CPPED1: variants seen among roughly 807,000 people sequenced by gnomAD.
CPPED1 encodes the protein serine/threonine-protein phosphatase CPPED1.
In CPPED1, 28 loss-of-function variants were observed where a neutral mutation model predicts 28.0. The ratio of observed to expected loss-of-function variants is 1.00; its 90% CI spans 0.74 to 1.37. CPPED1 has a LOEUF of 1.37. Among genes scored for constraint, CPPED1 ranks in the 40% most tolerant of loss-of-function variants. The pLI, the probability that CPPED1 is intolerant of heterozygous loss-of-function variation, is 0.00. For synonymous variants in CPPED1, 198 were observed against 180.2 expected, an observed-to-expected ratio of 1.10 and a Z score of -0.79; for missense variants, 504 against 416.5, an observed-to-expected ratio of 1.21 and a Z score of -1.83.
chr16:12,785,136 T>C (rs892882713), intron 1 of CPPED1, among the ~76,000 whole-genome samples: 1 of 152,224 alleles, frequency 6.6e-6, no homozygotes, highest in African/African-American at 2.4e-5. Flanking sequence ...CAAGACTGAA[T>C]TAAAGATATT....
rs558555163 is a variant in CPPED1, at chr16:12,680,720, C to G, written c.716-15605G>C. ...CAGGTTACGGAGTGCCTAAGCCAAG[C>G]AGCTCTGCCCCTGTGAGACCTGGGG... On this transcript the variant is annotated intron_variant, in intron 3 of 3. Transcript: ENST00000381774. Among the ~76,000 whole-genome samples the G allele has an allele frequency of 1.4e-4, 22 of 152,266 alleles. No homozygotes were observed. In the East Asian group the frequency reaches 3.9e-3, roughly 27 times the overall value.
intron 1 of CPPED1, among the ~76,000 whole-genome samples, chr16:12,795,355 T>A (rs1185511037): frequency 3.3e-5 from 5 of 152,266 alleles, no homozygotes; most frequent in African/African-American, 9.6e-5. Flanking sequence ...GCAACTTTTT[T>A]TTTTTTCAGA....
chr16:12,698,472 C>T (rs2080003748), intron 3 of CPPED1, among the ~76,000 whole-genome samples: 1 of 152,122 alleles, frequency 6.6e-6, no homozygotes, highest in Admixed American at 6.6e-5. Flanking sequence ...TGCTCTGTTG[C>T]CCAGATTGGC....
intron 3 of CPPED1, among the ~76,000 whole-genome samples, chr16:12,683,737 T>C (rs2079918118): frequency 6.6e-6 from 1 of 152,144 alleles, no homozygotes; most frequent in Non-Finnish European, 1.5e-5. Context: ...CAGTGTGATC[T>C]TCCTGGTTGC....
intron 2 of CPPED1, among the ~76,000 whole-genome samples, chr16:12,746,810 G>A (rs967962837): frequency 1.3e-5 from 2 of 152,110 alleles, no homozygotes. Context: ...CGCAAAGTGG[G>A]GTGATATCGC....
chr16:12,665,223 A>T, intron 3 of CPPED1, 108 bp from the exon 4 acceptor site: 4 of 902,270 alleles, frequency 4.4e-6, no homozygotes, highest in Non-Finnish European at 6.4e-6. Context: ...ATATTATTAT[A>T]CCATCATGTA....
At position 12,709,083 on chromosome 16, in the gene CPPED1, A is replaced by G. The variant is rs1436749145; in HGVS notation, c.290-4034T>C. 6.6e-6 allele frequency among the ~76,000 whole-genome samples: 1 copy of G among 152,174 alleles called. No individual in the cohort carries two copies. The highest frequency in any genetic ancestry group is 1.5e-5 in the Non-Finnish European group (1 of 68,020). ...TGACAAGAGCAAAACTCTGTCTCAA[A>G]AATGTCCCATTATATATGAGAACCC... On this transcript the variant is annotated intron_variant, in intron 2 of 3. Transcript: ENST00000381774. The surrounding 1 kb of genome is among the most constrained non-coding windows in gnomAD (Gnocchi z 4.4).
chr16:12,802,011 G>C (rs2080663093), intron 1 of CPPED1, among the ~76,000 whole-genome samples: 1 of 152,120 alleles, frequency 6.6e-6, no homozygotes, highest in East Asian at 1.9e-4. Context: ...AGAGTAAACT[G>C]CAAGAATAAA....
At chr16:12,754,569 T>C (rs2080352416) in intron 2 of CPPED1, among the ~76,000 whole-genome samples, 1 of 152,226 alleles carries the variant, frequency 6.6e-6, no homozygotes, top group Non-Finnish European at 1.5e-5. Context: ...GCAGAGTCCC[T>C]CTAAGGTCCT....
intron 3 of CPPED1, among the ~76,000 whole-genome samples, chr16:12,674,489 G>A (rs972008392): frequency 3.3e-5 from 5 of 152,124 alleles, no homozygotes; most frequent in Admixed American, 3.3e-4. Flanking sequence ...CGGAAGTTCT[G>A]AACCCGAAAT....
At chr16:12,779,992 GC>G (rs2080520322) in intron 2 of CPPED1, among the ~76,000 whole-genome samples, 1 of 152,068 alleles carries the variant, frequency 6.6e-6, no homozygotes, top group African/African-American at 2.4e-5. Context: ...ATCAGAGTAG[GC>G]AAAATAAATA....
In CPPED1 at chr16:12,716,223, C is replaced by G. The variant is rs1198517053; in HGVS notation, c.290-11174G>C. On this transcript the variant is annotated intron_variant, in intron 2 of 3. Transcript: ENST00000381774. ...AATTATTTTTCCTCCAAAGTGATCA[C>G]CTCTCCTGTATTTACCTTCTTTAGC... Among the ~76,000 whole-genome samples the G allele has an allele frequency of 3.3e-5, 5 of 152,222 alleles. No individual in the cohort carries two copies. The East Asian group carries it at 7.7e-4, about 23-fold the overall frequency.
At chr16:12,718,685 G>A (rs913853915) in intron 2 of CPPED1, among the ~76,000 whole-genome samples, 2 of 152,078 alleles carry the variant, frequency 1.3e-5, no homozygotes, top group African/African-American at 4.8e-5. Flanking sequence ...ACATTCAGCT[G>A]GGAGCGGTGG....
In CPPED1 at chr16:12,661,552, C is replaced by T. The variant is rs1412656070; in HGVS notation, c.*3334G>A. The T allele has an allele frequency of 6.6e-6, 1 of 152,226 alleles. No homozygotes were observed. Among genetic ancestry groups the T allele is most frequent in the African/African-American group, 2.4e-5 (1 of 41,448 alleles). 9.4% of individuals were successfully genotyped at this position (152,226 alleles called of 1,614,324 possible). ...ATTTGAGATCACTTTAAAAAACCTT[C>T]CCCCGTAACATGTCCTTGTGTTTTT... On this transcript the variant is annotated 3_prime_UTR_variant, in exon 4 of 4. Transcript: ENST00000381774.
chr16:12,723,992 CA>C (rs1392238510), intron 2 of CPPED1, among the ~76,000 whole-genome samples: 2 of 152,156 alleles, frequency 1.3e-5, no homozygotes, highest in African/African-American at 4.8e-5. Context: ...TCACACTTCC[CA>C]AACGTCTCTC....
intron 2 of CPPED1, among the ~76,000 whole-genome samples, chr16:12,715,076 T>C (rs1310000658): frequency 6.6e-6 from 1 of 152,126 alleles, no homozygotes; most frequent in African/African-American, 2.4e-5. Context: ...TGAATTGTCT[T>C]GGCGCCCTTG....
chr16:12,664,514 A>C lies in CPPED1; in HGVS notation c.*372T>G, dbSNP rs1326959875. The stretch of plus-strand genomic sequence containing the variant: ...TGTTTAAGGAATTATCAAAGATCAT[A>C]CTTGGCTGTCAGATTGGAATTGAGG... On this transcript the variant is annotated 3_prime_UTR_variant, in exon 4 of 4. Transcript: ENST00000381774. This position sits in a 1 kb window ranked among gnomAD's most constrained non-coding sequence, Gnocchi z 4.2. 31 of 1,070,566 alleles carry C rather than the reference A, an allele frequency of 2.9e-5. No homozygotes were observed. Among genetic ancestry groups the C allele is most frequent in the South Asian group, 1.9e-4 (7 of 36,912 alleles). 66.3% of individuals were successfully genotyped at this position (1,070,566 alleles called of 1,614,324 possible).
At chr16:12,700,221 A>G (rs1323521253) in intron 3 of CPPED1, among the ~76,000 whole-genome samples, 1 of 152,218 alleles carries the variant, frequency 6.6e-6, no homozygotes, top group African/African-American at 2.4e-5. Context: ...CCCTTAGGCC[A>G]GTGGCCAAGA....
intron 2 of CPPED1, among the ~76,000 whole-genome samples, chr16:12,780,497 C>T (rs950529746): frequency 6.6e-6 from 1 of 152,096 alleles, no homozygotes; most frequent in African/African-American, 2.4e-5. Flanking sequence ...TTGGACCATC[C>T]AGAATAAGGC....
Sources: gnomAD v4.1 joint callset for allele counts (sites outside exome capture counted in the v4.1 genomes callset) on GRCh38, gnomAD v4.1.1 for gene constraint, Gnocchi (gnomAD v3.1) non-coding constraint, MANE v1.5 for transcripts, NCBI Gene and HGNC (gene_info 2026-07-23, HGNC 2026-07-21) for gene names.